Variants in RARB observed in about 807,000 individuals in gnomAD.
RARB encodes the protein HBV-activated protein.
Under a neutral mutation model 51.9 loss-of-function variants are expected in RARB, and 17 were observed. The ratio of observed to expected loss-of-function variants is 0.33; its 90% confidence interval spans 0.22 to 0.49. RARB has a LOEUF of 0.49. Among genes scored for constraint, RARB ranks in the 20% least tolerant of loss-of-function variants. The pLI is 0.99. For missense variants in RARB, 369 were observed against 550.8 expected (o/e 0.67, Z 3.30); for synonymous variants, 215 against 195.4 (o/e 1.10, Z -0.84).
At chr3:25,124,101 G>A (rs889856894) in intron 3 of RARB, among the ~76,000 whole-genome samples, 1 of 152,188 alleles carries the variant, frequency 6.6e-6, no homozygotes, top group Non-Finnish European at 1.5e-5. Context: ...CAGGCCGGGC[G>A]CGGTGGCTCA....
At chr3:25,018,217 A>G (rs73144919) in intron 2 of RARB, among the ~76,000 whole-genome samples, 15,389 of 151,414 alleles carry the variant, frequency 0.1, 2,557 homozygotes, top group African/African-American at 0.34. Context: ...ACAGTAAAAC[A>G]AACATATTGT....
At chr3:25,043,091 G>GGCTCTTGTA (rs1449013294) in intron 2 of RARB, among the ~76,000 whole-genome samples, 1 of 152,204 alleles carries the variant, frequency 6.6e-6, no homozygotes, top group Non-Finnish European at 1.5e-5. Context: ...TTGTGTAAAA[G>GGCTCTTGTA]GCTCTTGTAG....
chr3:25,110,793 A>G (rs1406434568), intron 3 of RARB, among the ~76,000 whole-genome samples: 2 of 152,180 alleles, frequency 1.3e-5, no homozygotes, highest in Non-Finnish European at 2.9e-5. Flanking sequence ...TCTGTTCTTA[A>G]TTACCCCACT....
At chr3:25,058,316 T>C (rs1284985113) in intron 2 of RARB, among the ~76,000 whole-genome samples, 2 of 151,936 alleles carry the variant, frequency 1.3e-5, no homozygotes, top group African/African-American at 4.8e-5. Flanking sequence ...GGTTGGGTTG[T>C]ATAAACTCCA....
At position 25,333,722 on chromosome 3, in the gene RARB, C is replaced by A. The variant is rs559109953; in HGVS notation, c.179-127471C>A. Among the ~76,000 whole-genome samples, 5 of 152,234 alleles carry A rather than the reference C, an allele frequency of 3.3e-5. No individual in the cohort carries two copies. In the East Asian group the frequency reaches 9.7e-4, roughly 29 times the overall value. On this transcript the variant is annotated intron_variant, in intron 5 of 11. Coordinates refer to the RARB transcript ENST00000383772. ...AGCTTCTGCACAGCAAAAGAAACTA[C>A]CATCAGAGTGAACAGGCAACCTACA... is the stretch of plus-strand genomic sequence containing the variant.
At chr3:25,374,358 T>C (rs1706393945) in intron 5 of RARB, among the ~76,000 whole-genome samples, 1 of 151,918 alleles carries the variant, frequency 6.6e-6, no homozygotes, top group South Asian at 2.1e-4. Context: ...AGGAAACAGG[T>C]AGTCGAATTG....
chr3:25,550,778 C>A (rs1210901319), intron 3 of RARB, among the ~76,000 whole-genome samples: 1 of 152,086 alleles, frequency 6.6e-6, no homozygotes, highest in Non-Finnish European at 1.5e-5. Context: ...TGTGATGTTC[C>A]CCCTTCTGTG....
At chr3:25,221,468 T>G (rs2125384724) in intron 5 of RARB, among the ~76,000 whole-genome samples, 1 of 152,300 alleles carries the variant, frequency 6.6e-6, no homozygotes, top group African/African-American at 2.4e-5. Context: ...GTGGTAGTGA[T>G]TATTCTTAGA....
At chr3:24,994,693 T>A (rs138699828) in intron 2 of RARB, among the ~76,000 whole-genome samples, 77 of 152,134 alleles carry the variant, frequency 5.1e-4, no homozygotes, top group African/African-American at 1.7e-3. Flanking sequence ...GGGGGACATA[T>A]GGTTTCATTC....
chr3:24,901,157 G>A (rs905500578), intron 2 of RARB, among the ~76,000 whole-genome samples: 3 of 152,146 alleles, frequency 2.0e-5, no homozygotes, highest in African/African-American at 7.2e-5. Context: ...AAAGAACAGT[G>A]TCTAAACATT....
intron 2 of RARB, among the ~76,000 whole-genome samples, chr3:25,036,223 G>C (rs17015649): frequency 6.6e-6 from 1 of 152,078 alleles, no homozygotes; most frequent in African/African-American, 2.4e-5. Flanking sequence ...ACCTCCTTGC[G>C]GCAGTTGTAT....
At chr3:25,299,240 A>T (rs1264644885) in intron 5 of RARB, among the ~76,000 whole-genome samples, 1 of 152,172 alleles carries the variant, frequency 6.6e-6, no homozygotes, top group Non-Finnish European at 1.5e-5. Context: ...CAACTTTAAT[A>T]GCAAAAAAAG....
chr3:25,392,218 T>C (rs947986424), intron 5 of RARB, among the ~76,000 whole-genome samples: 21 of 152,232 alleles, frequency 1.4e-4, no homozygotes, highest in African/African-American at 4.8e-4. Context: ...TCTTTATTTC[T>C]GAGTTCTCCA....
At chr3:24,993,183 A>T (rs1428793165) in intron 2 of RARB, among the ~76,000 whole-genome samples, 1 of 152,176 alleles carries the variant, frequency 6.6e-6, no homozygotes, top group Non-Finnish European at 1.5e-5. Context: ...ATTCTGGTGA[A>T]AAAAATCAGA....
intron 2 of RARB, among the ~76,000 whole-genome samples, chr3:24,933,277 T>C (rs1695479537): frequency 6.8e-6 from 1 of 147,240 alleles, no homozygotes; most frequent in Non-Finnish European, 1.5e-5. Context: ...TATATTTCAC[T>C]ATACATTTTT....
chr3:25,253,303 A>G (rs1160006951), intron 5 of RARB, among the ~76,000 whole-genome samples: 2 of 152,186 alleles, frequency 1.3e-5, no homozygotes, highest in East Asian at 3.8e-4. Flanking sequence ...TATTTTGCCT[A>G]TCTTAAAAGA....
chr3:24,987,358 T>G (rs1354194978), intron 2 of RARB, among the ~76,000 whole-genome samples: 1 of 152,174 alleles, frequency 6.6e-6, no homozygotes, highest in Non-Finnish European at 1.5e-5. Context: ...GAAAGTAGTT[T>G]AGTGACTATT....
Position 24,900,337 on chromosome 3 carries a change from C to T in RARB, c.-380+41585C>T, listed in dbSNP as rs535221648. Among the ~76,000 whole-genome samples the T allele has an allele frequency of 7.2e-5, 11 of 152,284 alleles. 1 individual carries two copies. The South Asian group carries it at 1.9e-3, about 26-fold the overall frequency. ...CAGTTTGTGGAATGAAAGAGAGAGG[C>T]TGATTACAACATAATGGAGTGTACC... On this transcript the variant is annotated intron_variant, in intron 2 of 11. Coordinates refer to the RARB transcript ENST00000383772.
chr3:25,225,647 A>G (rs931548279), intron 5 of RARB, among the ~76,000 whole-genome samples: 3 of 152,206 alleles, frequency 2.0e-5, no homozygotes, highest in African/African-American at 7.2e-5. Flanking sequence ...CATGAAAAAA[A>G]TGTTAAAAGT....
Sources: allele counts gnomAD v4.1 joint callset (sites outside exome capture counted in the v4.1 genomes callset), GRCh38; gene constraint gnomAD v4.1.1; transcripts MANE v1.5; gene names NCBI Gene and HGNC (gene_info 2026-07-23, HGNC 2026-07-21).